The following COL23A1 variants were observed in gnomAD, a reference collection of about 807,000 sequenced individuals.
COL23A1 encodes collagen type XXIII alpha 1 chain, also known as collagen alpha-1(XXIII) chain.
Under a neutral mutation model 99.3 loss-of-function variants are expected in COL23A1, and 97 were observed. The observed-to-expected ratio is 0.98, with a 90% CI of 0.83 to 1.16. The LOEUF (loss-of-function observed/expected upper bound fraction) is 1.16. Among genes scored for constraint, COL23A1 ranks in the 50% most tolerant of loss-of-function variants. COL23A1 has a pLI of 0.00. For synonymous variants in COL23A1, 320 were observed against 308.2 expected (o/e 1.04, Z -0.40); for missense variants, 762 against 757.4 (o/e 1.01, Z -0.07).
chr5:178,491,252 G>A (rs756029398), intron 2 of COL23A1, among the ~76,000 whole-genome samples: 5 of 152,042 alleles, frequency 3.3e-5, no homozygotes, highest in Non-Finnish European at 7.4e-5. Context: ...CCTCATCCTC[G>A]TGGCCATCTC....
intron 2 of COL23A1, among the ~76,000 whole-genome samples, chr5:178,461,460 G>A (rs1341600193): frequency 6.6e-6 from 1 of 152,248 alleles, no homozygotes; most frequent in African/African-American, 2.4e-5. Context: ...CACAGGGAGA[G>A]TCCACCCAAG....
rs373103092 is a variant in COL23A1, at chr5:178,280,115, C to T, written c.441+8209G>A. ...TCTGAATGAACGTCCATCCTGCTGG[C>T]TCTCGTGCCCGGCCAGGGAACACTA... On this transcript the variant is annotated intron_variant, in intron 5 of 28. Transcript: ENST00000390654. This position sits in a 1 kb window ranked among gnomAD's most constrained non-coding sequence, Gnocchi z 4.9. Among the ~76,000 whole-genome samples, 3 of 152,382 alleles carry T rather than the reference C, an allele frequency of 2.0e-5. No homozygotes were observed. Among genetic ancestry groups the T allele is most frequent in the East Asian group, 3.9e-4 (2 of 5,190 alleles).
At position 178,261,721 on chromosome 5, in the gene COL23A1, C is replaced by T. The variant is rs746986896; in HGVS notation, c.702+1G>A. Reference sequence around the variant, plus strand: ...GGGCATGGGGAATAAGGAGTACTCACCTTGGGCCCTGGGGGTCCCTTTGGG... The same window carrying T: ...GGGCATGGGGAATAAGGAGTACTCATCTTGGGCCCTGGGGGTCCCTTTGGG... On this transcript the variant is annotated splice_donor_variant, in intron 11 of 28. Transcript: ENST00000390654. LOFTEE classifies it high-confidence loss of function. 1.2e-6 allele frequency: 2 copies of T among 1,609,340 alleles called. No individual in the cohort carries two copies. Among genetic ancestry groups the T allele is most frequent in the South Asian group, 1.1e-5 (1 of 90,986 alleles).
In COL23A1 at chr5:178,387,987, C is replaced by T. The variant is rs2973736; in HGVS notation, c.362-81068G>A. On this transcript the variant is annotated intron_variant, in intron 2 of 28. Transcript: ENST00000390654. The surrounding 1 kb of genome is among the most constrained non-coding windows in gnomAD (Gnocchi z 4.7). ...GAGGAGATTGATGCAGAAAGCCCCC[C>T]GCCACCATGGCCACCGCCCACCGAC... Among the ~76,000 whole-genome samples the T allele has an allele frequency of 0.021, 3,127 of 152,098 alleles. 97 individuals are homozygous for T. The highest frequency in any genetic ancestry group is 0.069 in the African/African-American group (2,849 of 41,466).
intron 17 of COL23A1, 53 bp from the exon 18 acceptor site, chr5:178,250,158 G>A (rs1289795859): frequency 6.2e-7 from 1 of 1,608,678 alleles, no homozygotes; most frequent in Non-Finnish European, 8.5e-7. Context: ...CTAAAGAGGT[G>A]TCAGCAGCCA....
In COL23A1 at chr5:178,428,889, G is replaced by A. The variant is rs777995339; in HGVS notation, c.362-121970C>T. 6.6e-6 allele frequency among the ~76,000 whole-genome samples: 1 copy of A among 152,102 alleles called. No individual in the cohort carries two copies. Among genetic ancestry groups the A allele is most frequent in the Non-Finnish European group, 1.5e-5 (1 of 68,018 alleles). ...TGGGGGTGGGGGCAGGGCTGCCTTTGCCTCCCTATTGTTTCCAAGCCAGCT... is the reference window on the plus strand; with the variant it reads ...TGGGGGTGGGGGCAGGGCTGCCTTTACCTCCCTATTGTTTCCAAGCCAGCT... On this transcript the variant is annotated intron_variant, in intron 2 of 28. Coordinates refer to ENST00000390654, the MANE Select transcript of COL23A1 (RefSeq NM_173465.4). This position sits in a 1 kb window ranked among gnomAD's most constrained non-coding sequence, Gnocchi z 5.0.
At chr5:178,517,896 T>TAAA (rs1269894869) in intron 2 of COL23A1, among the ~76,000 whole-genome samples, 1 of 136,526 alleles carries the variant, frequency 7.3e-6, no homozygotes, top group African/African-American at 2.7e-5. Context: ...TTTTTTTTTT[T>TAAA]TTTTTTAATT....
chr5:178,243,583 TGAC>T (rs1025387803), intron 25 of COL23A1, among the ~76,000 whole-genome samples: 62 of 152,052 alleles, frequency 4.1e-4, no homozygotes, highest in African/African-American at 1.5e-3. Context: ...AGAGTGCTGA[TGAC>T]AGTCAATGCT....
intron 2 of COL23A1, among the ~76,000 whole-genome samples, chr5:178,560,385 T>A (rs990711129): frequency 6.6e-6 from 1 of 152,030 alleles, no homozygotes; most frequent in African/African-American, 2.4e-5. Flanking sequence ...CCTTTCTCCA[T>A]CTTTGAAATG....
At chr5:178,556,007 G>C (rs1223669589) in intron 2 of COL23A1, among the ~76,000 whole-genome samples, 1 of 152,208 alleles carries the variant, frequency 6.6e-6, no homozygotes. Flanking sequence ...GCACGAGGAA[G>C]TCAGACAACA....
At chr5:178,566,553 C>T (rs1026350908) in intron 1 of COL23A1, among the ~76,000 whole-genome samples, 7 of 152,070 alleles carry the variant, frequency 4.6e-5, no homozygotes, top group African/African-American at 9.7e-5. Context: ...TGGTGGCTCG[C>T]GCCTGTAATC....
chr5:178,571,562 A>C (rs2113654908), intron 1 of COL23A1, among the ~76,000 whole-genome samples: 1 of 151,914 alleles, frequency 6.6e-6, no homozygotes, highest in South Asian at 2.1e-4. Flanking sequence ...AAAAATATTC[A>C]GCATCTCATG....
intron 2 of COL23A1, among the ~76,000 whole-genome samples, chr5:178,504,861 C>G (rs1229840609): frequency 2.0e-5 from 3 of 152,140 alleles, no homozygotes; most frequent in African/African-American, 7.2e-5. Flanking sequence ...AACCAGAAAT[C>G]CGAGTTTTAC....
chr5:178,353,274 A>T lies in COL23A1; in HGVS notation c.362-46355T>A, dbSNP rs117883572. ...AACAGTAGTAAAAAAAAAGCTATAA[A>T]TTTCTTTTATGTCTGATTTGAGAAA... On this transcript the variant is annotated intron_variant, in intron 2 of 28. Coordinates refer to ENST00000390654, the MANE Select transcript of COL23A1 (RefSeq NM_173465.4). Among the ~76,000 whole-genome samples, 273 of 152,292 alleles carry T rather than the reference A, an allele frequency of 1.8e-3. 2 individuals carry two copies. In the East Asian group the frequency reaches 0.02, roughly 11 times the overall value.
chr5:178,552,443 C>G (rs1581623541), intron 2 of COL23A1, among the ~76,000 whole-genome samples: 1 of 152,270 alleles, frequency 6.6e-6, no homozygotes, highest in Non-Finnish European at 1.5e-5. Context: ...ACCAAGGTAG[C>G]TGCCTTATAG....
Position 178,409,330 on chromosome 5 carries a change from A to G in COL23A1, c.362-102411T>C, listed in dbSNP as rs115812749. 1.1e-3 allele frequency among the ~76,000 whole-genome samples: 173 copies of G among 152,360 alleles called. 1 individual carries two copies. Among genetic ancestry groups the G allele is most frequent in the African/African-American group, 3.9e-3 (164 of 41,590 alleles). On this transcript the variant is annotated intron_variant, in intron 2 of 28. Coordinates refer to ENST00000390654, the MANE Select transcript of COL23A1 (RefSeq NM_173465.4). The stretch of plus-strand genomic sequence containing the variant: ...GTCTTCGAATGCCACACATGGTATA[A>G]TTCCAGTTCTAAAACATTCTTAAAA...
At chr5:178,305,583 T>A (rs1338000114) in intron 3 of COL23A1, among the ~76,000 whole-genome samples, 1 of 152,018 alleles carries the variant, frequency 6.6e-6, no homozygotes. Context: ...CCATTAGAGG[T>A]TTTTTTGGAG....
chr5:178,502,853 G>A (rs746308021), intron 2 of COL23A1, among the ~76,000 whole-genome samples: 5 of 152,134 alleles, frequency 3.3e-5, no homozygotes, highest in Non-Finnish European at 5.9e-5. Context: ...GGAAATACCC[G>A]AAGTCCACCA....
chr5:178,354,507 T>C (rs1166426920), intron 2 of COL23A1, among the ~76,000 whole-genome samples: 2 of 152,128 alleles, frequency 1.3e-5, no homozygotes, highest in Non-Finnish European at 2.9e-5. Flanking sequence ...GACTGGATCA[T>C]GGGGGTGGTT....
Sources: gnomAD v4.1 joint callset for allele counts (sites outside exome capture counted in the v4.1 genomes callset) on GRCh38, gnomAD v4.1.1 for gene constraint, Gnocchi (gnomAD v3.1) non-coding constraint, MANE v1.5 for transcripts, NCBI Gene and HGNC (gene_info 2026-07-23, HGNC 2026-07-21) for gene names.